SARS1: variants seen among roughly 807,000 people sequenced by gnomAD.
SARS1 encodes the protein serine--tRNA ligase, cytoplasmic.
SARS1 carries 25 observed loss-of-function variants against 63.7 expected under a neutral mutation model. The observed-to-expected ratio is 0.39, with a 90% confidence interval of 0.29 to 0.55. SARS1 has a LOEUF of 0.55. Among genes scored for constraint, SARS1 ranks in the 20% least tolerant of loss-of-function variants. The pLI is 0.62. For missense variants in SARS1, 417 were observed against 649.7 expected (o/e 0.64, Z 3.89); for synonymous variants, 231 against 243.5 (o/e 0.95, Z 0.48).
chr1:109,231,083 ATTT>A (rs61633547), intron 5 of SARS1, 62 bp downstream of exon 5: 14,417 of 673,280 alleles, frequency 0.021, 11 homozygotes, highest in Middle Eastern at 0.034. Flanking sequence ...ATATATATAT[ATTT>A]TTTTTTTTTT....
intron 1 of SARS1, chr1:109,215,553 T>A: frequency 1.0e-6 from 1 of 985,404 alleles, no homozygotes; most frequent in Non-Finnish European, 1.2e-6. Context: ...CTGTACCTGG[T>A]CCTTGGTAAG....
chr1:109,231,949 AC>A (rs1416404407), intron 6 of SARS1, among the ~76,000 whole-genome samples, 163 bp downstream of exon 6: 1 of 152,184 alleles, frequency 6.6e-6, no homozygotes, highest in Non-Finnish European at 1.5e-5. Flanking sequence ...TGGAGGAAGC[AC>A]ATTTTTTATT....
intron 2 of SARS1, among the ~76,000 whole-genome samples, chr1:109,226,139 G>A (rs1280986510): frequency 1.4e-5 from 2 of 147,040 alleles, no homozygotes; most frequent in African/African-American, 2.5e-5. Flanking sequence ...CACCACACTC[G>A]GCTAATTTTT....
At chr1:109,215,108 T>C (rs1654755316) in intron 1 of SARS1, 1 of 985,352 alleles carries the variant, frequency 1.0e-6, no homozygotes, top group Non-Finnish European at 1.2e-6. Flanking sequence ...GATTTTCTCC[T>C]GTTTATAAGG....
chr1:109,236,524 G>C lies in SARS1; in HGVS notation c.1233G>C (p.Gly411=). The change falls in exon 9 of 11, where the codon GGG becomes GGC. Residue 411 remains glycine (G), a synonymous_variant. Coordinates refer to ENST00000234677, the MANE Select transcript of SARS1 (RefSeq NM_006513.4). ...YQARRLRIRY[G]QTKKMMDKVE... Reference sequence around the variant, plus strand: ...CTCGCCGGCTTCGAATCCGATATGGGCAAACCAAGAAGATGATGGACAAGG... The same window carrying C: ...CTCGCCGGCTTCGAATCCGATATGGCCAAACCAAGAAGATGATGGACAAGG... 1 of 1,605,040 alleles carries C rather than the reference G, an allele frequency of 6.2e-7. No homozygotes were observed. The highest frequency in any genetic ancestry group is 1.1e-5 in the South Asian group (1 of 90,938).
intron 1 of SARS1, among the ~76,000 whole-genome samples, chr1:109,219,262 C>CATATATACATATATAT (rs1654866277): frequency 1.3e-5 from 1 of 76,936 alleles, no homozygotes. Flanking sequence ...CAAGACTCTC[C>CATATATACATATATAT]ATATATATAT....
At position 109,229,481 on chromosome 1, in the gene SARS1, C is replaced by T. The variant is rs115837196; in HGVS notation, c.356C>T (p.Ala119Val). ...GATGAAGCCATCCTGAAGTGTGACG[C>T]GGAGCGGATAAAGTTGGAAGCAGAG... is the stretch of plus-strand genomic sequence containing the variant. ...LIDEAILKCD[A>V]ERIKLEAERF... The change falls in exon 4 of 11, where the codon GCG (alanine) becomes GTG (valine). Residue 119 changes from alanine (A) to valine (V), a missense_variant. Physicochemically the swap from Ala to Val is moderately conservative, Grantham distance 64 (BLOSUM62 0). Transcript: ENST00000234677. 67 of 1,614,142 alleles carry T rather than the reference C, an allele frequency of 4.2e-5. No homozygotes were observed. Among genetic ancestry groups the T allele is most frequent in the African/African-American group, 3.2e-4 (24 of 75,014 alleles).
intron 9 of SARS1, chr1:109,236,768 G>A: frequency 6.4e-7 from 1 of 1,564,820 alleles, no homozygotes; most frequent in Non-Finnish European, 8.7e-7. Context: ...GGTAATTCTA[G>A]CTTTTCTCTT....
At chr1:109,233,892 C>T (rs1176274753) in intron 6 of SARS1, among the ~76,000 whole-genome samples, 10 of 69,978 alleles carry the variant, frequency 1.4e-4, no homozygotes, top group African/African-American at 2.6e-4. Context: ...TTTTTTGAGA[C>T]GGTATCTCAC....
chr1:109,236,062 A>C lies in SARS1; in HGVS notation c.1055A>C (p.Tyr352Ser). ...ATGATTACCACCGCAGAGGAGTTCT[A>C]CCAGTCCCTGGGGATTCCTTACCAC... The part of the protein sequence containing the change: ...EEMITTAEEF[Y>S]QSLGIPYHIV... The change falls in exon 8 of 11, where the codon TAC becomes TCC. Residue 352 changes from tyrosine to serine, a missense_variant. By Grantham distance (144) the Tyr-to-Ser change is moderately radical. Coordinates refer to ENST00000234677, the MANE Select transcript of SARS1 (RefSeq NM_006513.4). The C allele has an allele frequency of 6.2e-7, 1 of 1,614,042 alleles. No homozygotes were observed. The highest frequency in any genetic ancestry group is 8.5e-7 in the Non-Finnish European group (1 of 1,179,962).
intron 1 of SARS1, chr1:109,215,134 A>G: frequency 8.1e-6 from 8 of 985,470 alleles, no homozygotes; most frequent in Non-Finnish European, 9.6e-6. Flanking sequence ...GGATGTCAAA[A>G]GAATATTTGT....
At position 109,214,260 on chromosome 1, in the gene SARS1, G is replaced by C. The variant is rs895816550; in HGVS notation, c.136+132G>C. On this transcript the variant is annotated intron_variant, in intron 1 of 10. Coordinates refer to ENST00000234677, the MANE Select transcript of SARS1 (RefSeq NM_006513.4). This position sits in a 1 kb window ranked among gnomAD's most constrained non-coding sequence, Gnocchi z 4.6. Reference sequence around the variant, plus strand: ...CCTCCCAGGGTGCGGTGGCTCCGAGGTTCTCCCCATCCCCGAAAACACAGC... The same window carrying C: ...CCTCCCAGGGTGCGGTGGCTCCGAGCTTCTCCCCATCCCCGAAAACACAGC... 4 of 1,116,538 alleles carry C rather than the reference G, an allele frequency of 3.6e-6. No homozygotes were observed. Among genetic ancestry groups the C allele is most frequent in the Middle Eastern group, 2.2e-4 (1 of 4,460 alleles). 69.2% of individuals were successfully genotyped at this position (1,116,538 alleles called of 1,614,324 possible). A position where few individuals can be genotyped will look rare whatever the true frequency, so the allele number is the denominator to read the frequency against.
intron 3 of SARS1, among the ~76,000 whole-genome samples, chr1:109,228,670 A>G (rs1209277569): frequency 6.6e-6 from 1 of 152,210 alleles, no homozygotes; most frequent in Non-Finnish European, 1.5e-5. Context: ...GAATAGAAAA[A>G]GGAAAGGAAT....
chr1:109,219,077 T>C (rs1219643848), intron 1 of SARS1, among the ~76,000 whole-genome samples: 1 of 150,960 alleles, frequency 6.6e-6, no homozygotes, highest in African/African-American at 2.4e-5. Context: ...CCATCCTGGC[T>C]AACACGGTGA....
intron 1 of SARS1, among the ~76,000 whole-genome samples, chr1:109,219,582 A>G (rs991408321): frequency 1.3e-5 from 2 of 149,910 alleles, no homozygotes; most frequent in Non-Finnish European, 3.0e-5. Flanking sequence ...GCGTGATCTC[A>G]GCTCACTGCA....
rs756521030 is a variant in SARS1 at position 109,229,466 on chromosome 1, T to G, written c.341T>G (p.Ile114Ser). The G allele has an allele frequency of 6.2e-7, 1 of 1,614,142 alleles. No individual in the cohort carries two copies. The highest frequency in any genetic ancestry group is 8.5e-7 in the Non-Finnish European group (1 of 1,180,012). The change falls in exon 4 of 11, where the codon ATC becomes AGC. Residue 114 changes from isoleucine to serine, a missense_variant. Around this residue, in one of 3 missense-constraint regions of SARS1, gnomAD observed 359 missense variants for 529.6 expected, o/e 0.68. Coordinates refer to ENST00000234677, the MANE Select transcript of SARS1 (RefSeq NM_006513.4). The part of the protein sequence containing the change: ...KKVRLLIDEA[I>S]LKCDAERIKL... ...GTCCGACTCCTCATTGATGAAGCCA[T>G]CCTGAAGTGTGACGCGGAGCGGATA...
chr1:109,224,138 AG>A (rs1265409083), intron 2 of SARS1, 90 bp downstream of exon 2: 1 of 948,428 alleles, frequency 1.1e-6, no homozygotes, highest in African/African-American at 1.6e-5. Flanking sequence ...GTTCTAACTC[AG>A]TGTTTAAGTC....
At chr1:109,222,873 G>C (rs547184837) in intron 1 of SARS1, among the ~76,000 whole-genome samples, 1 of 152,188 alleles carries the variant, frequency 6.6e-6, no homozygotes, top group Non-Finnish European at 1.5e-5. Context: ...AAATTAGCTG[G>C]GTGTGGTGGC....
intron 1 of SARS1, chr1:109,215,698 T>C (rs1654768361): frequency 2.1e-6 from 2 of 939,032 alleles, no homozygotes; most frequent in South Asian, 9.9e-5. Context: ...TCATTTCTTT[T>C]CTTTGTTTTG....
Sources: allele counts gnomAD v4.1 joint callset (sites outside exome capture counted in the v4.1 genomes callset), GRCh38; gene constraint gnomAD v4.1.1; regional missense constraint gnomAD v4.1.1; non-coding constraint Gnocchi (gnomAD v3.1); transcripts MANE v1.5; gene names NCBI Gene and HGNC (gene_info 2026-07-23, HGNC 2026-07-21).